Variants in ERICH1 observed in about 807,000 individuals in gnomAD.
ERICH1 encodes glutamate-rich protein 1.
In ERICH1, 56 loss-of-function variants were observed where a neutral mutation model predicts 39.6. The ratio of observed to expected loss-of-function variants is 1.41; its 90% CI spans 1.14 to 1.77. ERICH1 has a LOEUF of 1.77. Among genes scored for constraint, ERICH1 ranks in the 40% most tolerant of loss-of-function variants. The probability of loss-of-function intolerance (pLI) is 0.00; values close to 1 mark genes in which losing one functional copy is unlikely to be tolerated. For synonymous variants in ERICH1, 313 were observed against 223.6 expected (o/e 1.40, Z -3.57); for missense variants, 826 against 575.4 (o/e 1.44, Z -4.45).
At chr8:699,682 TGCACAGACTC>T (rs1313247972) in intron 2 of ERICH1, among the ~76,000 whole-genome samples, 2 of 138,396 alleles carry the variant, frequency 1.4e-5, no homozygotes, top group African/African-American at 5.5e-5. Context: ...CCCGCACACG[TGCACAGACTC>T]ACACAGGCGC....
downstream of ERICH1, among the ~76,000 whole-genome samples, chr8:661,507 A>G (rs930466598): frequency 6.6e-6 from 1 of 152,084 alleles, no homozygotes; most frequent in African/African-American, 2.4e-5. Flanking sequence ...ACAATTCCTC[A>G]TGCTCCTGAC....
chr8:702,533 C>G (rs192381379), intron 2 of ERICH1, among the ~76,000 whole-genome samples: 1 of 152,154 alleles, frequency 6.6e-6, no homozygotes, highest in African/African-American at 2.4e-5. Flanking sequence ...CCAGCCAAGA[C>G]GGAAAAGTCT....
intron 3 of ERICH1, among the ~76,000 whole-genome samples, chr8:650,279 C>T (rs1186711430): frequency 6.6e-6 from 1 of 152,216 alleles, no homozygotes; most frequent in Non-Finnish European, 1.5e-5. Context: ...GGGTCTGACT[C>T]CGTGGCCCCT....
intron 3 of ERICH1, among the ~76,000 whole-genome samples, chr8:632,207 C>T (rs1003188014): frequency 7.9e-5 from 12 of 152,018 alleles, no homozygotes; most frequent in Admixed American, 2.0e-4. Context: ...TGATTTGTCC[C>T]GGGGTCTCAT....
chr8:668,815 G>C (rs1156788647), intron 4 of ERICH1, 23 bp from the exon 5 acceptor site: 2 of 1,564,030 alleles, frequency 1.3e-6, no homozygotes, highest in Non-Finnish European at 1.7e-6. Flanking sequence ...AGTTTTGCTT[G>C]GAAATACAGT....
chr8:636,782 CCT>C (rs1162166837), intron 3 of ERICH1, among the ~76,000 whole-genome samples: 1 of 152,252 alleles, frequency 6.6e-6, no homozygotes, highest in African/African-American at 2.4e-5. Flanking sequence ...GACGTGCTCC[CCT>C]GAGGGGCCAG....
intron 3 of ERICH1, among the ~76,000 whole-genome samples, chr8:690,001 C>T (rs371355152): frequency 6.6e-6 from 1 of 152,334 alleles, no homozygotes; most frequent in South Asian, 2.1e-4. Flanking sequence ...GGACAACTTT[C>T]TTCTGGCACA....
Position 664,613 on chromosome 8 carries a change from C to T in ERICH1, c.1322G>A (p.Ser441Asn), listed in dbSNP as rs764345933. 5.0e-6 allele frequency: 8 copies of T among 1,611,160 alleles called. No individual in the cohort carries two copies. In the South Asian group the frequency reaches 6.6e-5, roughly 13 times the overall value. Residue 441 changes from serine to asparagine, a missense_variant, in exon 6 of 6, where the codon AGC becomes AAC. Ser to Asn is a conservative substitution (Grantham distance 46). Coordinates refer to ENST00000262109, the MANE Select transcript of ERICH1 (RefSeq NM_207332.3). ...AAGAGATATTCCATTTTAGTCACTG[C>T]TCTTCTCAGGAAGGATATGTGTGAT... ...YWITHILPEK[S>N]SD
intron 5 of ERICH1, 106 bp from the exon 6 acceptor site, chr8:664,782 A>T (rs1801939742): frequency 2.5e-6 from 2 of 813,396 alleles, no homozygotes; most frequent in Admixed American, 5.6e-5. Flanking sequence ...TGAACTCCCA[A>T]ATAATCTAAT....
Position 668,594 on chromosome 8 carries a change from T to C in ERICH1, c.1258+4A>G. Reference sequence around the variant, plus strand: ...GGACCTTGAATAAATCGTACGGTACTTACCAGGAGGCATCGTGCAATGTTC... The same window carrying C: ...GGACCTTGAATAAATCGTACGGTACCTACCAGGAGGCATCGTGCAATGTTC... On this transcript the variant is annotated splice_donor_region_variant and intron_variant, in intron 5 of 5. Coordinates refer to ENST00000262109, the MANE Select transcript of ERICH1 (RefSeq NM_207332.3). 6.2e-7 allele frequency: 1 copy of C among 1,614,210 alleles called. No homozygotes were observed.
intron 2 of ERICH1, among the ~76,000 whole-genome samples, chr8:715,313 G>A (rs755039985): frequency 9.9e-5 from 15 of 152,248 alleles, no homozygotes; most frequent in East Asian, 1.9e-4. Flanking sequence ...GTCTCTCAGC[G>A]GGGTCCTCTC....
At chr8:708,125 A>G (rs1017469458) in intron 2 of ERICH1, among the ~76,000 whole-genome samples, 1 of 152,152 alleles carries the variant, frequency 6.6e-6, no homozygotes, top group Non-Finnish European at 1.5e-5. Flanking sequence ...ATCTAAAAAA[A>G]AAAATAGAAA....
chr8:647,297 G>A lies in ERICH1; in HGVS notation c.976+21301C>T, dbSNP rs1250876658. Among the ~76,000 whole-genome samples, 4 of 67,816 alleles carry A rather than the reference G, an allele frequency of 5.9e-5. 2 individuals carry two copies. The highest frequency in any genetic ancestry group is 1.5e-4 in the African/African-American group (4 of 26,078). 44.5% of individuals were successfully genotyped at this position (67,816 alleles called of 152,430 possible). On this transcript the variant is annotated intron_variant, in intron 3 of 3. Coordinates refer to the ERICH1 transcript ENST00000522706. ...AACGGTGGCACTGGCGACAAGACGC[G>A]TGAACCTTACCAAGTGGATGCTGAG...
chr8:704,295 C>T (rs1039483573), intron 2 of ERICH1, among the ~76,000 whole-genome samples: 5 of 152,160 alleles, frequency 3.3e-5, no homozygotes, highest in African/African-American at 1.2e-4. Context: ...AAGGAAGCCC[C>T]CGGGAGAGGT....
intron 3 of ERICH1, among the ~76,000 whole-genome samples, chr8:658,905 T>C (rs944782327): frequency 6.6e-6 from 1 of 152,232 alleles, no homozygotes. Flanking sequence ...TTCCTTCACT[T>C]GCTCTGCGAC....
At chr8:712,256 T>C (rs556530645) in intron 2 of ERICH1, among the ~76,000 whole-genome samples, 4 of 152,370 alleles carry the variant, frequency 2.6e-5, no homozygotes, top group East Asian at 1.9e-4. Flanking sequence ...ATCTCTATAA[T>C]ATCGAGTCTT....
chr8:617,341 A>G (rs1441458336), intron 3 of ERICH1, among the ~76,000 whole-genome samples: 1 of 152,138 alleles, frequency 6.6e-6, no homozygotes, highest in African/African-American at 2.4e-5. Flanking sequence ...CCATGTCCAG[A>G]GTATCCCCTT....
At chr8:726,399 CACAG>C (rs1446265989) in intron 1 of ERICH1, among the ~76,000 whole-genome samples, 4 of 151,858 alleles carry the variant, frequency 2.6e-5, no homozygotes, top group African/African-American at 7.3e-5. Context: ...CAGGAAAACA[CACAG>C]ACACACATGT....
intron 2 of ERICH1, among the ~76,000 whole-genome samples, chr8:710,210 CCCA>C (rs1814384930): frequency 6.6e-6 from 1 of 152,192 alleles, no homozygotes; most frequent in African/African-American, 2.4e-5. Flanking sequence ...ATGAGATGCG[CCCA>C]CCATGACAGC....
Sources: allele counts gnomAD v4.1 joint callset (sites outside exome capture counted in the v4.1 genomes callset), GRCh38; gene constraint gnomAD v4.1.1; transcripts MANE v1.5; gene names NCBI Gene and HGNC (gene_info 2026-07-23, HGNC 2026-07-21).